LRRTM4: variants seen among roughly 807,000 people sequenced by gnomAD.
LRRTM4 encodes the protein leucine rich repeat transmembrane neuronal 4.
LRRTM4 carries 25 observed loss-of-function variants against 47.6 expected under a neutral mutation model. That is an observed-to-expected ratio of 0.53 (90% confidence interval 0.38 to 0.73). The LOEUF (loss-of-function observed/expected upper bound fraction) is 0.73. Among genes scored for constraint, LRRTM4 ranks in the 30% least tolerant of loss-of-function variants. The pLI is 0.00. For synonymous variants in LRRTM4, 311 were observed against 269.5 expected (o/e 1.15, Z -1.51); for missense variants, 638 against 713.4 (o/e 0.89, Z 1.20).
chr2:77,317,545 GATTATCGT>G (rs1205555768), intron 3 of LRRTM4, among the ~76,000 whole-genome samples: 1 of 152,096 alleles, frequency 6.6e-6, no homozygotes, highest in African/African-American at 2.4e-5. Context: ...TTATTTGAAA[GATTATCGT>G]AAACACTAAA....
chr2:76,899,424 G>A (rs140461956), intron 3 of LRRTM4, among the ~76,000 whole-genome samples: 146 of 151,938 alleles, frequency 9.6e-4, no homozygotes, highest in African/African-American at 3.4e-3. Flanking sequence ...AAGTGTTGGA[G>A]GTGAATGATT....
intron 3 of LRRTM4, among the ~76,000 whole-genome samples, chr2:77,440,393 G>T (rs1675793292): frequency 6.6e-6 from 1 of 152,046 alleles, no homozygotes; most frequent in Admixed American, 6.6e-5. Flanking sequence ...CAGCCAGGGC[G>T]ACAGAGTGAG....
intron 3 of LRRTM4, among the ~76,000 whole-genome samples, chr2:77,361,859 C>A (rs745513900): frequency 2.0e-5 from 3 of 152,020 alleles, no homozygotes; most frequent in Admixed American, 6.6e-5. Flanking sequence ...AGAAAGAATT[C>A]TTTCACTAGA....
intron 3 of LRRTM4, among the ~76,000 whole-genome samples, chr2:77,280,117 C>T (rs940641359): frequency 4.6e-5 from 7 of 151,918 alleles, no homozygotes; most frequent in African/African-American, 1.7e-4. Flanking sequence ...ATATAATAAT[C>T]ACATATGGGA....
intron 3 of LRRTM4, among the ~76,000 whole-genome samples, chr2:77,170,547 G>A (rs1046392422): frequency 1.3e-5 from 2 of 152,134 alleles, no homozygotes; most frequent in Non-Finnish European, 2.9e-5. Context: ...ATAAATATGT[G>A]TTGTATTGTT....
rs993539505 is a variant in LRRTM4 at position 77,001,833 on chromosome 2, A to C, written c.1552-252917T>G. On this transcript the variant is annotated intron_variant, in intron 3 of 3. Coordinates refer to ENST00000409884, the MANE Select transcript of LRRTM4 (RefSeq NM_001134745.3). ...ACTGTTGACAAAAGTCTTATTGCCT[A>C]AACAATAACGGATCTGCACAATCCC... 2.6e-5 allele frequency among the ~76,000 whole-genome samples: 4 copies of C among 152,136 alleles called. No homozygotes were observed. The South Asian group carries it at 6.2e-4, about 24-fold the overall frequency.
At chr2:77,350,913 C>T (rs561330334) in intron 3 of LRRTM4, among the ~76,000 whole-genome samples, 9 of 152,050 alleles carry the variant, frequency 5.9e-5, no homozygotes, top group Admixed American at 3.9e-4. Context: ...ATTAAACAAA[C>T]GAAACTTTTT....
At chr2:76,908,043 A>C (rs193209438) in intron 3 of LRRTM4, among the ~76,000 whole-genome samples, 4 of 152,054 alleles carry the variant, frequency 2.6e-5, no homozygotes, top group African/African-American at 9.7e-5. Context: ...ACAGCCAAAA[A>C]ACAGAATTTT....
At chr2:77,406,731 A>C (rs1674202577) in intron 3 of LRRTM4, among the ~76,000 whole-genome samples, 1 of 152,182 alleles carries the variant, frequency 6.6e-6, no homozygotes, top group Non-Finnish European at 1.5e-5. Context: ...ATTGAACTTA[A>C]ATATGTTCCT....
intron 3 of LRRTM4, among the ~76,000 whole-genome samples, chr2:77,083,026 TTAAATA>T (rs1292473431): frequency 6.6e-6 from 1 of 152,198 alleles, no homozygotes; most frequent in Non-Finnish European, 1.5e-5. Flanking sequence ...TTTATAACTT[TTAAATA>T]TATCAGTATA....
At chr2:77,023,488 T>C (rs1285473739) in intron 3 of LRRTM4, among the ~76,000 whole-genome samples, 1 of 152,220 alleles carries the variant, frequency 6.6e-6, no homozygotes, top group South Asian at 2.1e-4. Context: ...TTCTCAACTT[T>C]TATGCTCTGC....
intron 3 of LRRTM4, among the ~76,000 whole-genome samples, chr2:77,026,946 AAAGCC>A (rs1386003057): frequency 6.6e-6 from 1 of 152,148 alleles, no homozygotes; most frequent in African/African-American, 2.4e-5. Flanking sequence ...CAACTTAATT[AAAGCC>A]AAGCAAAGAA....
intron 3 of LRRTM4, among the ~76,000 whole-genome samples, chr2:77,380,123 T>C (rs1256663813): frequency 6.6e-6 from 1 of 152,184 alleles, no homozygotes; most frequent in Admixed American, 6.6e-5. Context: ...TTACAGATTA[T>C]CTTGTGACTT....
intron 3 of LRRTM4, among the ~76,000 whole-genome samples, chr2:77,487,625 G>A (rs1677969823): frequency 6.6e-6 from 1 of 152,162 alleles, no homozygotes; most frequent in South Asian, 2.1e-4. Context: ...TGGACAGACA[G>A]GGGCAGTTCC....
chr2:77,230,980 G>A (rs187015428), intron 3 of LRRTM4, among the ~76,000 whole-genome samples: 26 of 151,864 alleles, frequency 1.7e-4, no homozygotes, highest in East Asian at 1.9e-4. Context: ...GAAAATGCTC[G>A]GTGAAGCTTC....
chr2:76,798,781 C>A lies in LRRTM4; in HGVS notation c.1552-49865G>T, dbSNP rs943419156. On this transcript the variant is annotated intron_variant, in intron 3 of 3. Transcript: ENST00000409884. ...TGATAAAGGGGATATCACCACCGAT[C>A]CCACAGAAATACAAACTACCATCAG... 1.1e-4 allele frequency among the ~76,000 whole-genome samples: 16 copies of A among 151,484 alleles called. 1 individual carries two copies. In the South Asian group the frequency reaches 1.3e-3, roughly 12 times the overall value.
At chr2:76,829,641 T>A (rs1176618755) in intron 3 of LRRTM4, among the ~76,000 whole-genome samples, 2 of 152,040 alleles carry the variant, frequency 1.3e-5, no homozygotes, top group Non-Finnish European at 2.9e-5. Flanking sequence ...AGTGCATTTT[T>A]GTTAAATAAA....
At chr2:76,973,261 C>T (rs966212243) in intron 3 of LRRTM4, among the ~76,000 whole-genome samples, 1 of 151,812 alleles carries the variant, frequency 6.6e-6, no homozygotes, top group African/African-American at 2.4e-5. Flanking sequence ...CACAGAATTC[C>T]AGGTCATGCT....
intron 3 of LRRTM4, among the ~76,000 whole-genome samples, chr2:77,243,998 C>A (rs373927250): frequency 0.041 from 5,189 of 127,908 alleles, 391 homozygotes; most frequent in African/African-American, 0.15. Flanking sequence ...TCAATTCCCA[C>A]CTATGAGTGA....
Sources: gnomAD v4.1 joint callset for allele counts (sites outside exome capture counted in the v4.1 genomes callset) on GRCh38, gnomAD v4.1.1 for gene constraint, MANE v1.5 for transcripts, NCBI Gene and HGNC (gene_info 2026-07-23, HGNC 2026-07-21) for gene names.